ENPP2: variants seen among roughly 807,000 people sequenced by gnomAD.
ENPP2 encodes ectonucleotide pyrophosphatase/phosphodiesterase 2, also known as autotaxin.
In ENPP2, 51 loss-of-function variants were observed where a neutral mutation model predicts 120.2. The observed-to-expected ratio is 0.42, with a 90% CI of 0.34 to 0.54. The LOEUF is 0.54. Ranked by LOEUF, ENPP2 falls within the 20% of genes least tolerant of loss-of-function variation. The probability of loss-of-function intolerance (pLI) is 0.04; values close to 1 mark genes in which losing one functional copy is unlikely to be tolerated. For missense variants in ENPP2, 920 were observed against 1,066.5 expected, an observed-to-expected ratio of 0.86 and a Z score of 1.91; for synonymous variants, 365 against 366.4, an observed-to-expected ratio of 1.00 and a Z score of 0.04.
At chr8:119,654,331 TAG>T (rs1232226127) in intron 1 of ENPP2, among the ~76,000 whole-genome samples, 2 of 142,848 alleles carry the variant, frequency 1.4e-5, no homozygotes, top group South Asian at 4.2e-4. Context: ...TAATTATATA[TAG>T]AGATATATCT....
intron 1 of ENPP2, among the ~76,000 whole-genome samples, chr8:119,669,650 G>T (rs1563785142): frequency 6.6e-6 from 1 of 152,140 alleles, no homozygotes; most frequent in African/African-American, 2.4e-5. Context: ...CTAACTGGAG[G>T]TTCATTACAA....
chr8:119,644,906 C>T (rs1425690349), intron 1 of ENPP2, among the ~76,000 whole-genome samples: 1 of 151,896 alleles, frequency 6.6e-6, no homozygotes, highest in African/African-American at 2.4e-5. Flanking sequence ...AGGGCTGAGT[C>T]GCTAGCAGGC....
intron 1 of ENPP2, among the ~76,000 whole-genome samples, chr8:119,667,690 C>T (rs1476171882): frequency 1.3e-5 from 2 of 152,192 alleles, no homozygotes; most frequent in African/African-American, 4.8e-5. Context: ...GACACAGTGC[C>T]TCCTAAGTGG....
intron 1 of ENPP2, among the ~76,000 whole-genome samples, chr8:119,666,773 T>C (rs1818085037): frequency 8.8e-6 from 1 of 113,834 alleles, no homozygotes; most frequent in African/African-American, 4.4e-5. Context: ...AGAGCAAAAC[T>C]GTCTAAAAAA....
intron 24 of ENPP2, 29 bp from the exon 25 acceptor site, chr8:119,557,720 T>A (rs1262207882): frequency 2.0e-6 from 3 of 1,517,346 alleles, no homozygotes; most frequent in Non-Finnish European, 2.6e-6. Flanking sequence ...AAAATCAGAA[T>A]CAGAATTTTC....
At chr8:119,563,233 A>C (rs1413588421) in intron 23 of ENPP2, among the ~76,000 whole-genome samples, 1 of 152,186 alleles carries the variant, frequency 6.6e-6, no homozygotes, top group African/African-American at 2.4e-5. Context: ...AGTAAGAAAG[A>C]TATTCCAGGC....
intron 13 of ENPP2, 118 bp from the exon 14 acceptor site, chr8:119,587,193 AGTGTT>A (rs1269681660): frequency 7.2e-6 from 6 of 828,390 alleles, no homozygotes; most frequent in African/African-American, 1.7e-5. Flanking sequence ...CTATCACTTT[AGTGTT>A]TTGTTTGAAA....
intron 19 of ENPP2, among the ~76,000 whole-genome samples, chr8:119,579,096 T>C (rs897403975): frequency 6.6e-6 from 1 of 152,208 alleles, no homozygotes; most frequent in Non-Finnish European, 1.5e-5. Flanking sequence ...TTCCTGGCTG[T>C]TTCAACATGT....
intron 22 of ENPP2, 141 bp downstream of exon 22, chr8:119,568,034 T>C (rs1157365792): frequency 3.4e-6 from 2 of 581,676 alleles, no homozygotes; most frequent in Non-Finnish European, 6.1e-6. Context: ...AAAGTTTACA[T>C]GAAAGATCCT....
At position 119,624,015 on chromosome 8, in the gene ENPP2, C is replaced by T. The variant is rs1816097469; in HGVS notation, c.293-2496G>A. On this transcript the variant is annotated intron_variant, in intron 3 of 24. Coordinates refer to ENST00000075322, the MANE Select transcript of ENPP2 (RefSeq NM_001040092.3). ...TTGCTTTTCCCATGACCTGCTCTTC[C>T]CAATGATGAGCAATCTTCTAAGGTT... Among the ~76,000 whole-genome samples the T allele has an allele frequency of 2.0e-5, 3 of 152,092 alleles. No homozygotes were observed. The South Asian group carries it at 6.2e-4, about 32-fold the overall frequency.
intron 5 of ENPP2, chr8:119,618,391 C>G: frequency 4.3e-6 from 2 of 464,560 alleles, no homozygotes; most frequent in Non-Finnish European, 8.7e-6. Flanking sequence ...TTGACCCAGC[C>G]ACCTGTTTGC....
chr8:119,604,464 C>T (rs549971629), intron 9 of ENPP2, among the ~76,000 whole-genome samples: 4 of 152,154 alleles, frequency 2.6e-5, no homozygotes, highest in Admixed American at 6.5e-5. Flanking sequence ...AAATACAATG[C>T]GCAGACAGCA....
chr8:119,562,723 TG>T, intron 24 of ENPP2, 133 bp downstream of exon 24: 1 of 873,142 alleles, frequency 1.1e-6, no homozygotes, highest in Non-Finnish European at 1.7e-6. Flanking sequence ...AAGTTCTGTT[TG>T]GTTCCTTTCT....
chr8:119,605,428 A>ATGTGTGTGTG (rs557037737), intron 9 of ENPP2, among the ~76,000 whole-genome samples: 4,489 of 135,192 alleles, frequency 0.033, 109 homozygotes, highest in South Asian at 0.06. Context: ...AAGATACCAT[A>ATGTGTGTGTG]TATGTGTGTG....
upstream of ENPP2, among the ~76,000 whole-genome samples, chr8:119,641,404 T>G (rs997135511): frequency 6.6e-6 from 1 of 152,240 alleles, no homozygotes; most frequent in African/African-American, 2.4e-5. Context: ...CAAAACCTTT[T>G]GTAAGAAAAC....
At chr8:119,648,881 T>C (rs1817547701) in intron 1 of ENPP2, among the ~76,000 whole-genome samples, 1 of 152,144 alleles carries the variant, frequency 6.6e-6, no homozygotes, top group Non-Finnish European at 1.5e-5. Context: ...CCTGAGGAAT[T>C]AGGCAAATAA....
At chr8:119,604,992 C>T (rs547842922) in intron 9 of ENPP2, among the ~76,000 whole-genome samples, 2 of 152,238 alleles carry the variant, frequency 1.3e-5, no homozygotes, top group South Asian at 4.1e-4. Context: ...CCAGGATGTT[C>T]TCCATCTCCT....
upstream of ENPP2, among the ~76,000 whole-genome samples, chr8:119,643,666 G>A (rs1325895574): frequency 3.3e-5 from 5 of 152,172 alleles, no homozygotes; most frequent in African/African-American, 4.8e-5. Context: ...GGAACTGGTC[G>A]TACTACATAG....
At chr8:119,643,738 T>TA (rs1817349706), upstream of ENPP2, among the ~76,000 whole-genome samples, 1 of 152,182 alleles carries the variant, frequency 6.6e-6, no homozygotes, top group South Asian at 2.1e-4. Flanking sequence ...GAAATAAATG[T>TA]AAAATTACAA....
Sources: gnomAD v4.1 joint callset for allele counts (sites outside exome capture counted in the v4.1 genomes callset) on GRCh38, gnomAD v4.1.1 for gene constraint, MANE v1.5 for transcripts, NCBI Gene and HGNC (gene_info 2026-07-23, HGNC 2026-07-21) for gene names.